Variants in SLC8A1 observed in about 807,000 individuals in gnomAD.
SLC8A1 encodes sodium/calcium exchanger 1.
SLC8A1 carries 18 observed loss-of-function variants against 68.3 expected under a neutral mutation model. The ratio of observed to expected loss-of-function variants is 0.26; its 90% confidence interval spans 0.18 to 0.39. SLC8A1 has a LOEUF of 0.39. SLC8A1 is among the 10% of genes least tolerant of loss of function. The pLI is 1.00. For synonymous variants in SLC8A1, 475 were observed against 415.5 expected (o/e 1.14, Z -1.74); for missense variants, 985 against 1,156.7 (o/e 0.85, Z 2.15).
intron 7 of SLC8A1, among the ~76,000 whole-genome samples, chr2:40,129,361 G>T (rs1338802880): frequency 6.6e-6 from 1 of 151,546 alleles, no homozygotes; most frequent in Non-Finnish European, 1.5e-5. Context: ...CTCCTGAGTA[G>T]CTGGGACAAC....
upstream of SLC8A1, among the ~76,000 whole-genome samples, chr2:40,453,717 C>T (rs1343543436): frequency 6.6e-6 from 1 of 152,206 alleles, no homozygotes; most frequent in Non-Finnish European, 1.5e-5. Flanking sequence ...TAGGCCAATA[C>T]TCCTCAAACA....
intron 2 of SLC8A1, among the ~76,000 whole-genome samples, chr2:40,374,546 C>T (rs1048748095): frequency 6.6e-6 from 1 of 151,944 alleles, no homozygotes; most frequent in South Asian, 2.1e-4. Flanking sequence ...GGGAAATTAA[C>T]CTGCCCCTGA....
At chr2:40,222,247 A>G (rs766927971) in intron 2 of SLC8A1, among the ~76,000 whole-genome samples, 6 of 152,220 alleles carry the variant, frequency 3.9e-5, no homozygotes, top group South Asian at 2.1e-4. Flanking sequence ...CTGATCTTTG[A>G]CAAACCTGAC....
intron 2 of SLC8A1, among the ~76,000 whole-genome samples, chr2:40,293,756 T>C (rs528831410): frequency 6.6e-6 from 1 of 152,170 alleles, no homozygotes; most frequent in Non-Finnish European, 1.5e-5. Context: ...ACTATTCTAC[T>C]GCTATCAGTG....
At chr2:40,490,113 G>T (rs1187321941) in intron 1 of SLC8A1, among the ~76,000 whole-genome samples, 2 of 152,068 alleles carry the variant, frequency 1.3e-5, no homozygotes, top group African/African-American at 4.8e-5. Flanking sequence ...CATGAAACTA[G>T]TGAAATTGCG....
At chr2:40,165,348 T>C (rs1434183625) in intron 4 of SLC8A1, among the ~76,000 whole-genome samples, 2 of 152,118 alleles carry the variant, frequency 1.3e-5, no homozygotes, top group Non-Finnish European at 2.9e-5. Flanking sequence ...ACACATTCTT[T>C]CAGCACGTGA....
intron 2 of SLC8A1, among the ~76,000 whole-genome samples, chr2:40,325,721 C>T (rs1053865316): frequency 1.6e-5 from 2 of 126,592 alleles, no homozygotes. Context: ...ATCACAAGGT[C>T]AGGAGATGGA....
At chr2:40,217,390 AG>A (rs2057662879) in intron 2 of SLC8A1, among the ~76,000 whole-genome samples, 2 of 152,142 alleles carry the variant, frequency 1.3e-5, no homozygotes, top group Non-Finnish European at 2.9e-5. Context: ...TGATTACTGT[AG>A]GCTTGTAGTA....
intron 2 of SLC8A1, among the ~76,000 whole-genome samples, chr2:40,376,551 C>A (rs1020503511): frequency 6.6e-6 from 1 of 151,378 alleles, no homozygotes; most frequent in Non-Finnish European, 1.5e-5. Context: ...GCATTTCAGT[C>A]AAGTTCAAAA....
At chr2:40,198,381 A>G (rs1372982511) in intron 2 of SLC8A1, among the ~76,000 whole-genome samples, 1 of 151,956 alleles carries the variant, frequency 6.6e-6, no homozygotes, top group Non-Finnish European at 1.5e-5. Context: ...GCCTAGAAAG[A>G]TGATATATAA....
intron 2 of SLC8A1, among the ~76,000 whole-genome samples, chr2:40,393,223 G>C (rs1461474589): frequency 6.6e-6 from 1 of 151,916 alleles, no homozygotes; most frequent in Non-Finnish European, 1.5e-5. Context: ...AATTCCGAAA[G>C]TACAATGATT....
chr2:40,424,483 C>CT (rs1696347423), intron 2 of SLC8A1, among the ~76,000 whole-genome samples: 1 of 151,634 alleles, frequency 6.6e-6, no homozygotes, highest in African/African-American at 2.4e-5. Flanking sequence ...CCTTTCTAGT[C>CT]TTTTTTCCAA....
In SLC8A1 at chr2:40,241,340, G is replaced by C. The variant is rs541181643; in HGVS notation, c.1809-63485C>G. On this transcript the variant is annotated intron_variant, in intron 2 of 7. Coordinates refer to ENST00000406785, the Ensembl canonical transcript of SLC8A1. ...AAACGTGGGTATAATAGACACTCTG[G>C]ACTACCTGGAATAGGGGGCATGGGT... Among the ~76,000 whole-genome samples, 10 of 152,100 alleles carry C rather than the reference G, an allele frequency of 6.6e-5. No homozygotes were observed. The South Asian group carries it at 2.1e-3, about 32-fold the overall frequency.
intron 1 of SLC8A1, among the ~76,000 whole-genome samples, chr2:40,440,441 T>G (rs1700252865): frequency 6.6e-6 from 1 of 152,192 alleles, no homozygotes; most frequent in Non-Finnish European, 1.5e-5. Context: ...GCAACAATTA[T>G]TTTCATCAAT....
intron 2 of SLC8A1, among the ~76,000 whole-genome samples, chr2:40,282,262 G>C (rs2067637129): frequency 1.3e-5 from 2 of 152,110 alleles, no homozygotes; most frequent in Non-Finnish European, 2.9e-5. Flanking sequence ...GTAATAAGGA[G>C]TAATTTCTGA....
At chr2:40,116,287 A>G (rs1160006743) in intron 7 of SLC8A1, among the ~76,000 whole-genome samples, 3 of 152,174 alleles carry the variant, frequency 2.0e-5, no homozygotes, top group Non-Finnish European at 4.4e-5. Context: ...ATATTACTGC[A>G]TTGATTGTGA....
intron 4 of SLC8A1, among the ~76,000 whole-genome samples, chr2:40,167,489 TAG>T (rs2046744743): frequency 6.6e-6 from 1 of 152,234 alleles, no homozygotes; most frequent in South Asian, 2.1e-4. Flanking sequence ...GTAAATAGTA[TAG>T]TTGGTATGCA....
intron 6 of SLC8A1, among the ~76,000 whole-genome samples, chr2:40,143,942 A>C (rs926523594): frequency 2.0e-5 from 3 of 152,172 alleles, no homozygotes; most frequent in African/African-American, 7.2e-5. Flanking sequence ...GGGGCAAGAC[A>C]CTTAAATTTC....
chr2:40,203,121 C>A (rs1409242981), intron 2 of SLC8A1, among the ~76,000 whole-genome samples: 1 of 152,018 alleles, frequency 6.6e-6, no homozygotes, highest in East Asian at 1.9e-4. Flanking sequence ...ACAGACTTTC[C>A]CTATTCTCAC....
Sources: gnomAD v4.1 joint callset for allele counts (sites outside exome capture counted in the v4.1 genomes callset) on GRCh38, gnomAD v4.1.1 for gene constraint, MANE v1.5 for transcripts, NCBI Gene and HGNC (gene_info 2026-07-23, HGNC 2026-07-21) for gene names.